SNX29: variants seen among roughly 807,000 people sequenced by gnomAD.
SNX29 encodes sorting nexin 29, also known as sorting nexin-29.
Under a neutral mutation model 102.1 loss-of-function variants are expected in SNX29, and 78 were observed. The observed-to-expected ratio is 0.76, with a 90% CI of 0.64 to 0.92. SNX29 has a LOEUF of 0.92. Among genes scored for constraint, SNX29 ranks in the 40% least tolerant of loss-of-function variants. The probability of loss-of-function intolerance (pLI) is 0.00; values close to 1 mark genes in which losing one functional copy is unlikely to be tolerated. For missense variants in SNX29, 1,280 were observed against 1,061.7 expected (o/e 1.21, Z -2.86); for synonymous variants, 580 against 414.5 (o/e 1.40, Z -4.85).
intron 18 of SNX29, among the ~76,000 whole-genome samples, chr16:12,407,455 T>C (rs926405153): frequency 6.6e-6 from 1 of 152,244 alleles, no homozygotes; most frequent in South Asian, 2.1e-4. Context: ...AGGAAATGAG[T>C]CAGCTTAAAG....
chr16:12,279,129 C>T (rs1015414400), intron 15 of SNX29, among the ~76,000 whole-genome samples: 3 of 152,174 alleles, frequency 2.0e-5, no homozygotes, highest in Non-Finnish European at 4.4e-5. Flanking sequence ...TACATACATA[C>T]ACATGCTAAG....
chr16:11,987,891 A>G (rs1374761162), intron 1 of SNX29, among the ~76,000 whole-genome samples: 3 of 152,106 alleles, frequency 2.0e-5, no homozygotes, highest in Non-Finnish European at 4.4e-5. Context: ...GTAGCTTTTG[A>G]TATGCATTGC....
chr16:12,283,460 CA>C (rs1450117059), intron 15 of SNX29, among the ~76,000 whole-genome samples: 1 of 152,094 alleles, frequency 6.6e-6, no homozygotes, highest in Non-Finnish European at 1.5e-5. Context: ...GCTGGGACTA[CA>C]GGCACGCATC....
At chr16:12,435,916 C>T (rs904781233) in intron 18 of SNX29, among the ~76,000 whole-genome samples, 9 of 152,158 alleles carry the variant, frequency 5.9e-5, no homozygotes, top group East Asian at 1.9e-4. Flanking sequence ...GGGAGCAGCA[C>T]GCTATCTGTG....
intron 20 of SNX29, among the ~76,000 whole-genome samples, chr16:12,562,959 C>G (rs574000999): frequency 1.5e-5 from 2 of 135,538 alleles, no homozygotes; most frequent in East Asian, 2.5e-4. Flanking sequence ...AACATTCACC[C>G]AACACAAGGG....
intron 14 of SNX29, among the ~76,000 whole-genome samples, chr16:12,213,496 TA>T (rs1323833386): frequency 3.4e-5 from 2 of 58,114 alleles, no homozygotes; most frequent in Non-Finnish European, 1.4e-4. Context: ...AAAATAAAAT[TA>T]AAAACAACAT....
intron 18 of SNX29, among the ~76,000 whole-genome samples, chr16:12,455,557 G>C (rs955111536): frequency 6.6e-6 from 1 of 152,198 alleles, no homozygotes. Flanking sequence ...GTGGATCCCG[G>C]GACCTACCTG....
chr16:12,561,137 C>T (rs1242987775), intron 20 of SNX29: 1 of 228,818 alleles, frequency 4.4e-6, no homozygotes, highest in Non-Finnish European at 8.7e-6. Flanking sequence ...TCCTGAGGCC[C>T]AGGTGTTGCC....
chr16:12,283,145 T>C (rs530477842), intron 15 of SNX29, among the ~76,000 whole-genome samples: 1 of 152,262 alleles, frequency 6.6e-6, no homozygotes, highest in African/African-American at 2.4e-5. Context: ...TGCACATCCA[T>C]TGAGCGCCTT....
At chr16:12,533,391 G>A (rs907279054) in intron 20 of SNX29, among the ~76,000 whole-genome samples, 1 of 152,156 alleles carries the variant, frequency 6.6e-6, no homozygotes, top group Non-Finnish European at 1.5e-5. Context: ...GGAGTCTTTC[G>A]CCCCTTTTGT....
At chr16:12,332,899 A>G (rs916291604) in intron 15 of SNX29, among the ~76,000 whole-genome samples, 2 of 149,068 alleles carry the variant, frequency 1.3e-5, no homozygotes, top group Non-Finnish European at 3.0e-5. Flanking sequence ...CTCCAAGCTC[A>G]CTTCTCTCCT....
intron 11 of SNX29, among the ~76,000 whole-genome samples, chr16:12,091,828 T>A (rs2052561916): frequency 6.7e-6 from 1 of 148,986 alleles, no homozygotes; most frequent in Non-Finnish European, 1.5e-5. Context: ...CTTTCTGCCA[T>A]GTAATGATGA....
chr16:12,093,224 G>A (rs1400874384), intron 11 of SNX29, among the ~76,000 whole-genome samples: 1 of 152,172 alleles, frequency 6.6e-6, no homozygotes, highest in East Asian at 1.9e-4. Context: ...CTTTAGTTTT[G>A]TAGGGCCCTG....
At chr16:12,160,672 A>G (rs2055745766) in intron 13 of SNX29, among the ~76,000 whole-genome samples, 1 of 150,934 alleles carries the variant, frequency 6.6e-6, no homozygotes, top group South Asian at 2.1e-4. Context: ...CAAATATGCT[A>G]AAAACCACTG....
Position 12,477,716 on chromosome 16 carries a change from C to G in SNX29, c.2038-3C>G. 1 of 1,607,696 alleles carries G rather than the reference C, an allele frequency of 6.2e-7. No homozygotes were observed. The highest frequency in any genetic ancestry group is 8.5e-7 in the Non-Finnish European group (1 of 1,178,316). On this transcript the variant is annotated splice_region_variant and splice_polypyrimidine_tract_variant and intron_variant, in intron 18 of 20. Transcript: ENST00000566228. ...GGAATTCACATTTTCTCTTTCTTGACAGGTCTACATCCGGATAAAAGACGA... is the reference window on the plus strand; with the variant it reads ...GGAATTCACATTTTCTCTTTCTTGAGAGGTCTACATCCGGATAAAAGACGA...
chr16:12,037,470 C>T (rs569858849), intron 4 of SNX29, among the ~76,000 whole-genome samples: 1 of 152,192 alleles, frequency 6.6e-6, no homozygotes, highest in African/African-American at 2.4e-5. Context: ...AAAAACTTAT[C>T]AATCAAGATA....
chr16:12,013,483 T>TGGGG lies in SNX29; in HGVS notation c.122+10442_122+10445dup, dbSNP rs199497475. Among the ~76,000 whole-genome samples the TGGGG allele has an allele frequency of 9.6e-3, 186 of 19,276 alleles. 7 individuals carry two copies. The highest frequency in any genetic ancestry group is 0.025 in the African/African-American group (179 of 7,088). 12.6% of individuals were successfully genotyped at this position (19,276 alleles called of 152,430 possible). A position where few individuals can be genotyped will look rare whatever the true frequency, so the allele number is the denominator to read the frequency against. On this transcript the variant is annotated intron_variant, in intron 3 of 20. Coordinates refer to ENST00000566228, the MANE Select transcript of SNX29 (RefSeq NM_032167.5). Reference sequence around the variant, plus strand: ...CAACATAGTGAAACCCTGTCTCTACTGGGGGAAAAAAAAAAAAATATATAT... The same window carrying TGGGG: ...CAACATAGTGAAACCCTGTCTCTACTGGGGGGGGGAAAAAAAAAAAAATATATAT...
At chr16:12,426,928 A>C (rs1384441101) in intron 18 of SNX29, among the ~76,000 whole-genome samples, 2 of 152,292 alleles carry the variant, frequency 1.3e-5, no homozygotes, top group East Asian at 1.9e-4. Context: ...GGCCTCCCAA[A>C]GTGCTGGGAT....
intron 13 of SNX29, among the ~76,000 whole-genome samples, chr16:12,136,115 CCTT>C (rs1268477391): frequency 1.3e-5 from 2 of 152,234 alleles, no homozygotes; most frequent in Non-Finnish European, 2.9e-5. Context: ...ACTTTTCCCT[CCTT>C]CTGTGCAGTT....
Sources: gnomAD v4.1 joint callset for allele counts (sites outside exome capture counted in the v4.1 genomes callset) on GRCh38, gnomAD v4.1.1 for gene constraint, MANE v1.5 for transcripts, NCBI Gene and HGNC (gene_info 2026-07-23, HGNC 2026-07-21) for gene names.